Variants in CLDN10 observed in about 807,000 individuals in gnomAD.
The protein encoded by CLDN10 is claudin-10.
CLDN10 carries 15 observed loss-of-function variants against 22.9 expected under a neutral mutation model. The ratio of observed to expected loss-of-function variants is 0.65; its 90% CI spans 0.44 to 1.01. The LOEUF (loss-of-function observed/expected upper bound fraction) is 1.01, where lower values mean the gene tolerates loss of function less well. Ranked by LOEUF, CLDN10 falls within the 50% of genes least tolerant of loss-of-function variation. The pLI is 0.00. For missense variants in CLDN10, 247 were observed against 287.8 expected, an observed-to-expected ratio of 0.86 and a Z score of 1.03; for synonymous variants, 114 against 111.4, an observed-to-expected ratio of 1.02 and a Z score of -0.15.
chr13:95,437,041 C>T (rs1307135297), intron 1 of CLDN10, among the ~76,000 whole-genome samples: 2 of 152,138 alleles, frequency 1.3e-5, no homozygotes, highest in East Asian at 3.8e-4. Context: ...TCTGTCTAAG[C>T]TGTCTCGGTT....
At chr13:95,484,802 G>T (rs963350005) in intron 1 of CLDN10, among the ~76,000 whole-genome samples, 2 of 148,432 alleles carry the variant, frequency 1.3e-5, no homozygotes, top group African/African-American at 4.9e-5. Flanking sequence ...GGAGGTGGAG[G>T]TTGGAATGAG....
intron 1 of CLDN10, among the ~76,000 whole-genome samples, chr13:95,457,188 C>A (rs918632059): frequency 2.5e-4 from 38 of 152,128 alleles, no homozygotes; most frequent in African/African-American, 9.2e-4. Flanking sequence ...TTAACCCTGG[C>A]ATATGGAGGC....
At chr13:95,514,765 A>T (rs2043145528) in intron 1 of CLDN10, among the ~76,000 whole-genome samples, 1 of 152,158 alleles carries the variant, frequency 6.6e-6, no homozygotes, top group South Asian at 2.1e-4. Context: ...TAAGGGGTTG[A>T]AGCAGGTAGG....
intron 1 of CLDN10, among the ~76,000 whole-genome samples, chr13:95,486,893 G>A (rs1029274734): frequency 6.6e-6 from 1 of 152,164 alleles, no homozygotes; most frequent in Admixed American, 6.5e-5. Context: ...CTCAATCAAT[G>A]AGTTGCACAT....
chr13:95,475,570 G>C (rs543144717), intron 1 of CLDN10, among the ~76,000 whole-genome samples: 6 of 152,318 alleles, frequency 3.9e-5, no homozygotes, highest in African/African-American at 1.2e-4. Context: ...GTGGCCAGCA[G>C]GGTTTGAAAG....
At chr13:95,499,665 T>C (rs1030555756) in intron 1 of CLDN10, among the ~76,000 whole-genome samples, 1 of 151,790 alleles carries the variant, frequency 6.6e-6, no homozygotes, top group African/African-American at 2.4e-5. Context: ...CCAGTGGAGG[T>C]GGAAGGTTCC....
chr13:95,491,445 A>T (rs545589293), intron 1 of CLDN10, among the ~76,000 whole-genome samples: 1 of 151,884 alleles, frequency 6.6e-6, no homozygotes, highest in South Asian at 2.1e-4. Context: ...TGCTTGTTCA[A>T]TTCTATTGCT....
At chr13:95,529,424 G>C (rs1302431455) in intron 1 of CLDN10, among the ~76,000 whole-genome samples, 4 of 152,100 alleles carry the variant, frequency 2.6e-5, no homozygotes, top group Non-Finnish European at 5.9e-5. Flanking sequence ...ATAGAAAACA[G>C]GGCTTGAAAG....
intron 1 of CLDN10, among the ~76,000 whole-genome samples, chr13:95,540,199 C>T (rs1409669899): frequency 6.6e-6 from 1 of 152,024 alleles, no homozygotes; most frequent in Non-Finnish European, 1.5e-5. Context: ...ACTTGGGAGG[C>T]TGAGGCAGAA....
At chr13:95,463,080 C>G (rs543763952) in intron 1 of CLDN10, among the ~76,000 whole-genome samples, 1 of 151,884 alleles carries the variant, frequency 6.6e-6, no homozygotes, top group Non-Finnish European at 1.5e-5. Flanking sequence ...GGCAAGCCCT[C>G]TAACCAGGGA....
intron 1 of CLDN10, among the ~76,000 whole-genome samples, chr13:95,535,110 T>A (rs1241937964): frequency 6.6e-6 from 1 of 152,068 alleles, no homozygotes; most frequent in East Asian, 1.9e-4. Context: ...CTTGCTATGA[T>A]CCAGCAGAGT....
intron 1 of CLDN10, chr13:95,497,169 A>G (rs771101228): frequency 6.6e-6 from 1 of 152,250 alleles, no homozygotes; most frequent in Admixed American, 6.5e-5. Flanking sequence ...GTCAGTATCA[A>G]TAATTAACTA....
chr13:95,466,518 C>T (rs964751071), intron 1 of CLDN10, among the ~76,000 whole-genome samples: 4 of 151,848 alleles, frequency 2.6e-5, no homozygotes, highest in Non-Finnish European at 5.9e-5. Context: ...AATAATTTAA[C>T]AAATCACTAC....
chr13:95,538,273 C>A (rs540356227), intron 1 of CLDN10, among the ~76,000 whole-genome samples: 11 of 143,790 alleles, frequency 7.7e-5, no homozygotes, highest in Non-Finnish European at 1.3e-4. Context: ...GTAGCTGGCA[C>A]CTTACAGGCG....
intron 1 of CLDN10, among the ~76,000 whole-genome samples, chr13:95,508,476 A>C (rs2043061132): frequency 6.6e-6 from 1 of 152,258 alleles, no homozygotes; most frequent in Admixed American, 6.5e-5. Flanking sequence ...AGCTACAGGG[A>C]AAATCAAGTC....
At chr13:95,559,342 A>G (rs1303541964) in intron 1 of CLDN10, among the ~76,000 whole-genome samples, 3 of 152,234 alleles carry the variant, frequency 2.0e-5, no homozygotes, top group African/African-American at 7.2e-5. Context: ...CATGACTAAG[A>G]ACATGAATAG....
chr13:95,572,176 A>C (rs2043871923), intron 3 of CLDN10, among the ~76,000 whole-genome samples: 1 of 152,200 alleles, frequency 6.6e-6, no homozygotes, highest in Non-Finnish European at 1.5e-5. Flanking sequence ...TTCAGAAAAA[A>C]ATCCTGTGCC....
chr13:95,533,800 C>T (rs1594593941), intron 1 of CLDN10: 1 of 152,298 alleles, frequency 6.6e-6, no homozygotes. Flanking sequence ...CTCAGCAGTA[C>T]CTTCAAGGCC....
chr13:95,464,942 G>T (rs1437325211), intron 1 of CLDN10, among the ~76,000 whole-genome samples: 1 of 152,050 alleles, frequency 6.6e-6, no homozygotes, highest in Non-Finnish European at 1.5e-5. Context: ...GCCCAGGCTG[G>T]TCTCAAACTC....
Sources: gnomAD v4.1 joint callset for allele counts (sites outside exome capture counted in the v4.1 genomes callset) on GRCh38, gnomAD v4.1.1 for gene constraint, MANE v1.5 for transcripts, NCBI Gene and HGNC (gene_info 2026-07-23, HGNC 2026-07-21) for gene names.